DCC: variants seen among roughly 807,000 people sequenced by gnomAD.
The protein encoded by DCC is netrin receptor DCC.
In DCC, 58 loss-of-function variants were observed where a neutral mutation model predicts 172.5. The ratio of observed to expected loss-of-function variants is 0.34; its 90% CI spans 0.27 to 0.42. The LOEUF (loss-of-function observed/expected upper bound fraction) is 0.42. Among genes scored for constraint, DCC ranks in the 10% least tolerant of loss-of-function variants. The pLI is 1.00. For missense variants in DCC, 1,740 were observed against 1,791.0 expected (o/e 0.97, Z 0.51); for synonymous variants, 709 against 644.5 (o/e 1.10, Z -1.52).
chr18:53,530,545 G>T lies in DCC; in HGVS notation c.4255-19G>T, dbSNP rs2270953. ...GATCAATATTTGTTACTAACTCTTG[G>T]CTCTCATTCTCTTTATAGGTGTATG... On this transcript the variant is annotated intron_variant, in intron 28 of 28. Transcript: ENST00000442544. 172,953 of 1,309,528 alleles carry T rather than the reference G, an allele frequency of 0.13. 13,880 individuals are homozygous for T. Among genetic ancestry groups the T allele is most frequent in the Admixed American group, 0.33 (19,835 of 59,564 alleles). 81.1% of individuals were successfully genotyped at this position (1,309,528 alleles called of 1,614,324 possible).
intron 1 of DCC, among the ~76,000 whole-genome samples, chr18:52,576,681 T>C (rs2033417986): frequency 6.6e-6 from 1 of 151,938 alleles, no homozygotes; most frequent in Admixed American, 6.6e-5. Context: ...TACAAAAAAA[T>C]TAGCCGGGCA....
intron 2 of DCC, among the ~76,000 whole-genome samples, chr18:52,828,993 AATATG>A (rs1344978971): frequency 6.6e-6 from 1 of 152,210 alleles, no homozygotes; most frequent in Non-Finnish European, 1.5e-5. Flanking sequence ...CAGGTAATGA[AATATG>A]ATTTTGTTTG....
chr18:52,776,700 A>C (rs1033223213), intron 2 of DCC, among the ~76,000 whole-genome samples: 1 of 151,742 alleles, frequency 6.6e-6, no homozygotes, highest in African/African-American at 2.4e-5. Context: ...TAAAAGTTTC[A>C]GAGAAAAACG....
rs376863155 is a variant in DCC, at chr18:52,647,258, C to A, written c.92-104796C>A. Reference sequence around the variant, plus strand: ...GGAATGTTGACTTTGGTCCTCACTCCTTTAGGCTTATAGCTCTCAGCTGCA... The same window carrying A: ...GGAATGTTGACTTTGGTCCTCACTCATTTAGGCTTATAGCTCTCAGCTGCA... On this transcript the variant is annotated intron_variant, in intron 1 of 28. Coordinates refer to ENST00000442544, the MANE Select transcript of DCC (RefSeq NM_005215.4). Among the ~76,000 whole-genome samples, 27 of 152,286 alleles carry A rather than the reference C, an allele frequency of 1.8e-4. No individual in the cohort carries two copies. The South Asian group carries it at 5.6e-3, about 32-fold the overall frequency.
chr18:53,401,271 C>T (rs1321727391), intron 18 of DCC, among the ~76,000 whole-genome samples: 1 of 142,306 alleles, frequency 7.0e-6, no homozygotes, highest in Non-Finnish European at 1.6e-5. Flanking sequence ...TATACTCCAC[C>T]TATGTTTTCT....
At chr18:52,725,004 T>A (rs1323994533) in intron 1 of DCC, among the ~76,000 whole-genome samples, 1 of 152,160 alleles carries the variant, frequency 6.6e-6, no homozygotes, top group African/African-American at 2.4e-5. Flanking sequence ...AATAGCTAAC[T>A]ATGAGGGTTA....
In DCC at chr18:52,694,122, C is replaced by A. The variant is rs188641410; in HGVS notation, c.92-57932C>A. Among the ~76,000 whole-genome samples the A allele has an allele frequency of 1.6e-4, 24 of 152,180 alleles. No homozygotes were observed. The East Asian group carries it at 4.3e-3, about 27-fold the overall frequency. On this transcript the variant is annotated intron_variant, in intron 1 of 28. Transcript: ENST00000442544. Reference sequence around the variant, plus strand: ...ATGATATGATGAGGAGAACACTTCACTTCTATGGAGTTCTTCCCAAAAACC... The same window carrying A: ...ATGATATGATGAGGAGAACACTTCAATTCTATGGAGTTCTTCCCAAAAACC...
At chr18:53,268,728 CT>C (rs2056712129) in intron 12 of DCC, among the ~76,000 whole-genome samples, 1 of 152,074 alleles carries the variant, frequency 6.6e-6, no homozygotes, top group Non-Finnish European at 1.5e-5. Context: ...TTCAGAAAGC[CT>C]TACTTCTGTT....
intron 25 of DCC, among the ~76,000 whole-genome samples, chr18:53,484,123 C>A (rs2045873316): frequency 6.6e-6 from 1 of 151,668 alleles, no homozygotes; most frequent in Non-Finnish European, 1.5e-5. Context: ...CACATTGTGA[C>A]TTCTTATTCT....
At chr18:52,455,068 GCTAAAAATTC>G (rs1988417874) in intron 1 of DCC, among the ~76,000 whole-genome samples, 2 of 152,098 alleles carry the variant, frequency 1.3e-5, no homozygotes, top group South Asian at 4.1e-4. Flanking sequence ...ATATAGTAAA[GCTAAAAATTC>G]CTTTTATGAA....
At chr18:53,017,822 C>T (rs2041829863) in intron 5 of DCC, among the ~76,000 whole-genome samples, 1 of 152,180 alleles carries the variant, frequency 6.6e-6, no homozygotes, top group Non-Finnish European at 1.5e-5. Flanking sequence ...TCTTTTTATA[C>T]ATACTACTGC....
intron 18 of DCC, among the ~76,000 whole-genome samples, chr18:53,399,992 A>T (rs62100018): frequency 0.42 from 64,335 of 151,828 alleles, 15,416 homozygotes; most frequent in Non-Finnish European, 0.55. Flanking sequence ...GTTTTTAATA[A>T]TGTTAATTTA....
At chr18:53,512,873 T>C (rs1323286060) in intron 27 of DCC, among the ~76,000 whole-genome samples, 8 of 152,156 alleles carry the variant, frequency 5.3e-5, no homozygotes, top group Non-Finnish European at 8.8e-5. Context: ...TGGAACCAAG[T>C]TGGGAAACAC....
At chr18:52,684,646 T>C (rs2035800696) in intron 1 of DCC, among the ~76,000 whole-genome samples, 1 of 152,062 alleles carries the variant, frequency 6.6e-6, no homozygotes, top group South Asian at 2.1e-4. Context: ...TTGGGCAAAC[T>C]CATCCATCTG....
intron 1 of DCC, among the ~76,000 whole-genome samples, chr18:52,523,691 C>G (rs976793525): frequency 6.6e-6 from 1 of 152,126 alleles, no homozygotes; most frequent in African/African-American, 2.4e-5. Context: ...AATTTTGCAA[C>G]AAAGCCCTGT....
intron 1 of DCC, among the ~76,000 whole-genome samples, chr18:52,523,979 T>G (rs2031900516): frequency 6.6e-6 from 1 of 152,192 alleles, no homozygotes; most frequent in Non-Finnish European, 1.5e-5. Context: ...TCTTCTCAAT[T>G]AATAATTTTT....
intron 12 of DCC, among the ~76,000 whole-genome samples, chr18:53,295,949 C>T (rs2057062362): frequency 1.3e-5 from 2 of 152,168 alleles, no homozygotes; most frequent in African/African-American, 4.8e-5. Flanking sequence ...CCCAAGGTTT[C>T]TTCACTACCC....
chr18:52,964,471 A>G (rs182340418), intron 5 of DCC, among the ~76,000 whole-genome samples: 5 of 152,098 alleles, frequency 3.3e-5, no homozygotes, highest in Admixed American at 6.6e-5. Flanking sequence ...TTTAATCTCA[A>G]TTTTTTTTAA....
At chr18:52,993,591 T>C (rs1386968827) in intron 5 of DCC, among the ~76,000 whole-genome samples, 1 of 152,012 alleles carries the variant, frequency 6.6e-6, no homozygotes, top group Non-Finnish European at 1.5e-5. Flanking sequence ...TAGAAAAGGG[T>C]GTAGAGTTAT....
Sources: allele counts gnomAD v4.1 joint callset (sites outside exome capture counted in the v4.1 genomes callset), GRCh38; gene constraint gnomAD v4.1.1; transcripts MANE v1.5; gene names NCBI Gene and HGNC (gene_info 2026-07-23, HGNC 2026-07-21).